The following UNC45A variants were observed in gnomAD, a reference collection of about 807,000 sequenced individuals.
The protein encoded by UNC45A is unc-45 myosin chaperone A.
Under a neutral mutation model 103.2 loss-of-function variants are expected in UNC45A, and 78 were observed. That is an observed-to-expected ratio of 0.76 (90% confidence interval 0.63 to 0.91). The LOEUF is 0.91. Ranked by LOEUF, UNC45A falls within the 40% of genes least tolerant of loss-of-function variation. UNC45A has a pLI of 0.00. For missense variants in UNC45A, 1,193 were observed against 1,224.8 expected (o/e 0.97, Z 0.39); for synonymous variants, 495 against 504.6 (o/e 0.98, Z 0.25).
upstream of UNC45A, chr15:90,931,519 C>A: frequency 6.2e-7 from 1 of 1,614,148 alleles, no homozygotes; most frequent in South Asian, 1.1e-5. Flanking sequence ...AATGAGCTGT[C>A]CTGAAAACTT....
intron 17 of UNC45A, among the ~76,000 whole-genome samples, 187 bp downstream of exon 17, chr15:90,950,802 A>G (rs980463568): frequency 1.3e-5 from 2 of 152,238 alleles, no homozygotes; most frequent in African/African-American, 4.8e-5. Context: ...CTCTAGAGTC[A>G]GACTGCCTCG....
Position 90,950,533 on chromosome 15 carries a change from T to C in UNC45A, c.2221T>C (p.Leu741=). Residue 741 remains leucine (L), a synonymous_variant, in exon 17 of 20, where the codon TTG becomes CTG. Transcript: ENST00000418476. ...YEVVRPLVSL[L]HLNCSGLQNF... is the part of the protein sequence containing the mutation. ...GGTGGTCCGGCCCCTCGTCTCCCTG[T>C]TGCACCTCAACTGCTCAGGCCTGCA... The C allele has an allele frequency of 4.3e-6, 7 of 1,614,168 alleles. No individual in the cohort carries two copies. Among genetic ancestry groups the C allele is most frequent in the Non-Finnish European group, 5.1e-6 (6 of 1,180,028 alleles).
At position 90,935,318 on chromosome 15, in the gene UNC45A, C is replaced by G. The variant is rs755969179; in HGVS notation, c.-7C>G. On this transcript the variant is annotated 5_prime_UTR_variant, in exon 1 of 20. Coordinates refer to ENST00000418476, the MANE Select transcript of UNC45A (RefSeq NM_018671.5). ...CGCCTGCGCGGGCACGAGACAACCT[C>G]TCCGCGATGACTGTGAGTGGTCCAG... is the stretch of plus-strand genomic sequence containing the variant. 1.1e-4 allele frequency: 180 copies of G among 1,603,080 alleles called. No homozygotes were observed. Among genetic ancestry groups the G allele is most frequent in the Middle Eastern group, 1.6e-4 (1 of 6,068 alleles).
intron 17 of UNC45A, among the ~76,000 whole-genome samples, chr15:90,950,963 T>C (rs2036872651): frequency 6.6e-6 from 1 of 152,178 alleles, no homozygotes; most frequent in South Asian, 2.1e-4. Context: ...AAGTACTTAC[T>C]ACATGGGTAC....
At chr15:90,952,678 G>A in intron 17 of UNC45A, 2 of 464,554 alleles carry the variant, frequency 4.3e-6, no homozygotes, top group Non-Finnish European at 7.9e-6. Context: ...GCCTGCCTCG[G>A]CCTTCCAGAG....
chr15:90,949,188 T>G, intron 13 of UNC45A, 128 bp from the exon 14 acceptor site: 1 of 1,375,240 alleles, frequency 7.3e-7, no homozygotes, highest in East Asian at 2.3e-5. Context: ...CAGCCTCCCT[T>G]TTAAGCCAGT....
At position 90,948,221 on chromosome 15, in the gene UNC45A, G is replaced by A. The variant is rs746800851; in HGVS notation, c.1675G>A (p.Asp559Asn). 17 of 1,614,012 alleles carry A rather than the reference G, an allele frequency of 1.1e-5. No individual in the cohort carries two copies. The South Asian group carries it at 1.6e-4, about 16-fold the overall frequency. Residue 559 changes from aspartate (D) to asparagine (N), a missense_variant, in exon 12 of 20, where the codon GAC (aspartate) becomes AAC (asparagine). Asp to Asn is a conservative substitution (Grantham distance 23). Transcript: ENST00000418476. ...CCTGGCTTACCTGACCTTTGATGCC[G>A]ACGTGAAGGAAGAGTTTGTGGAGGA... Reference protein sequence around the residue: ...EGLAYLTFDADVKEEFVEDAA... With the variant: ...EGLAYLTFDANVKEEFVEDAA...
At chr15:90,935,133 G>A (rs2035934453), upstream of UNC45A, 2 of 619,884 alleles carry the variant, frequency 3.2e-6, no homozygotes, top group African/African-American at 1.9e-5. Flanking sequence ...TGCGCCCGGA[G>A]CTTGCCTGCA....
At chr15:90,950,448 G>A in intron 16 of UNC45A, 52 bp from the exon 17 acceptor site, 1 of 1,589,382 alleles carries the variant, frequency 6.3e-7, no homozygotes, top group Admixed American at 1.7e-5. Context: ...GGGTTGGTGG[G>A]GCTTGTGGGG....
rs1048552091 is a variant in UNC45A, at chr15:90,944,908, G to A, written c.1044G>A (p.Leu348=). The A allele has an allele frequency of 5.6e-6, 9 of 1,612,024 alleles. No homozygotes were observed. The Admixed American group carries it at 1.2e-4, about 21-fold the overall frequency. Residue 348 remains leucine (L), a synonymous_variant, in exon 9 of 20, where the codon TTG becomes TTA. Coordinates refer to ENST00000418476, the MANE Select transcript of UNC45A (RefSeq NM_018671.5). ...WVIDQGLKKI[L]EVGGSLQDPP... is the part of the protein sequence containing the mutation. ...TCTTTACAGGTCTGAAAAAGATTTTGGAAGTGGGGGGCTCTCTACAGGACC... is the reference window on the plus strand; with the variant it reads ...TCTTTACAGGTCTGAAAAAGATTTTAGAAGTGGGGGGCTCTCTACAGGACC...
At position 90,935,703 on chromosome 15, in the gene UNC45A, C is replaced by A; in HGVS notation, c.211C>A (p.Leu71Met). ...GAACCGGGCCGCCTGCCACCTCAAG[C>A]TGGTGAGGGAGCCTGGCGCTCTTCC... ...HRNRAACHLK[L>M]EDYDKAETEA... is the part of the protein sequence containing the mutation. The change falls in exon 2 of 20, where the codon CTG becomes ATG. Residue 71 changes from leucine to methionine, a missense_variant and splice_region_variant. Transcript: ENST00000418476. The A allele has an allele frequency of 6.4e-7, 1 of 1,557,126 alleles. No homozygotes were observed. Among genetic ancestry groups the A allele is most frequent in the Non-Finnish European group, 8.7e-7 (1 of 1,153,280 alleles).
Position 90,953,526 on chromosome 15 carries a change from G to T in UNC45A, c.2645G>T (p.Gly882Val), listed in dbSNP as rs554244814. 1 of 1,614,150 alleles carries T rather than the reference G, an allele frequency of 6.2e-7. No homozygotes were observed. Among genetic ancestry groups the T allele is most frequent in the South Asian group, 1.1e-5 (1 of 91,086 alleles). ...LSSNQELQHR[G>V]AVVVLNMVEA... ...TCCAACCAGGAGCTGCAGCACCGGG[G>T]TGCTGTGGTGGTGCTGAACATGGTG... The change falls in exon 20 of 20, where the codon GGT becomes GTT. Residue 882 changes from glycine (G) to valine (V), a missense_variant. Transcript: ENST00000418476.
intron 15 of UNC45A, 131 bp from the exon 16 acceptor site, chr15:90,950,023 A>G: frequency 2.4e-6 from 2 of 826,414 alleles, no homozygotes; most frequent in Admixed American, 2.4e-5. Flanking sequence ...TTGGATGCAG[A>G]GGGTCTGCAC....
chr15:90,946,855 C>A lies in UNC45A; in HGVS notation c.1441C>A (p.Leu481Met). 6.2e-7 allele frequency: 1 copy of A among 1,607,840 alleles called. No homozygotes were observed. Among genetic ancestry groups the A allele is most frequent in the Non-Finnish European group, 8.5e-7 (1 of 1,176,262 alleles). Reference protein sequence around the residue: ...ASFITANGVSLLKDLYKCSEK... With the variant: ...ASFITANGVSMLKDLYKCSEK... ...ATTCATCACTGCCAATGGTGTCTCGCTGCTGAAGGACCTATATAAGTGCAG... is the reference window on the plus strand; with the variant it reads ...ATTCATCACTGCCAATGGTGTCTCGATGCTGAAGGACCTATATAAGTGCAG... Residue 481 changes from leucine to methionine, a missense_variant, in exon 10 of 20, where the codon CTG (leucine) becomes ATG (methionine). By Grantham distance (15) the Leu-to-Met change is conservative. Coordinates refer to ENST00000418476, the MANE Select transcript of UNC45A (RefSeq NM_018671.5).
rs749054031 is a variant in UNC45A at position 90,946,764 on chromosome 15, G to A, written c.1350G>A (p.Gln450=). ...ESVIALCASE[Q]EEEQLVAVEA... is the part of the protein sequence containing the mutation. Reference sequence around the variant, plus strand: ...TGATTGCTCTGTGTGCCTCTGAGCAGGAGGAGGAGCAGCTGGTGGCCGTGG... The same window carrying A: ...TGATTGCTCTGTGTGCCTCTGAGCAAGAGGAGGAGCAGCTGGTGGCCGTGG... The change falls in exon 10 of 20, where the codon CAG becomes CAA. Residue 450 remains glutamine (Q), a synonymous_variant. Coordinates refer to ENST00000418476, the MANE Select transcript of UNC45A (RefSeq NM_018671.5). 1.2e-6 allele frequency: 2 copies of A among 1,614,184 alleles called. No individual in the cohort carries two copies. The highest frequency in any genetic ancestry group is 1.7e-6 in the Non-Finnish European group (2 of 1,180,028).
In UNC45A at chr15:90,944,898, A is replaced by G. The variant is rs1456380038; in HGVS notation, c.1034A>G (p.Lys345Arg). The change falls in exon 9 of 20, where the codon AAA becomes AGA. Residue 345 changes from lysine to arginine, a missense_variant. By Grantham distance (26) the Lys-to-Arg change is conservative. Coordinates refer to ENST00000418476, the MANE Select transcript of UNC45A (RefSeq NM_018671.5). ...AAGCGGGGTGTCTTTACAGGTCTGA[A>G]AAAGATTTTGGAAGTGGGGGGCTCT... Reference protein sequence around the residue: ...LTLWVIDQGLKKILEVGGSLQ... With the variant: ...LTLWVIDQGLRKILEVGGSLQ... 6.2e-7 allele frequency: 1 copy of G among 1,611,912 alleles called. No homozygotes were observed. Among genetic ancestry groups the G allele is most frequent in the East Asian group, 2.2e-5 (1 of 44,886 alleles).
chr15:90,942,307 T>C, intron 6 of UNC45A, 130 bp from the exon 7 acceptor site: 1 of 1,096,654 alleles, frequency 9.1e-7, no homozygotes, highest in Non-Finnish European at 1.3e-6. Context: ...TTCTGTGTTG[T>C]TTTCACCTGG....
intron 17 of UNC45A, 118 bp downstream of exon 17, chr15:90,950,733 G>T (rs1483144454): frequency 9.9e-7 from 1 of 1,013,614 alleles, no homozygotes; most frequent in African/African-American, 1.6e-5. Flanking sequence ...GCCTCACAGT[G>T]ACTGCTCCGC....
At chr15:90,932,238 T>C (rs2035826142), upstream of UNC45A, 1 of 1,083,536 alleles carries the variant, frequency 9.2e-7, no homozygotes, top group Non-Finnish European at 1.3e-6. Flanking sequence ...GTCAAGTACC[T>C]TACCCTCTGG....
Sources: allele counts gnomAD v4.1 joint callset (sites outside exome capture counted in the v4.1 genomes callset), GRCh38; gene constraint gnomAD v4.1.1; transcripts MANE v1.5; gene names NCBI Gene and HGNC (gene_info 2026-07-23, HGNC 2026-07-21).